Variants in SUFU observed in about 807,000 individuals in gnomAD.
SUFU encodes the protein suppressor of fused homolog.
In SUFU, 7 loss-of-function variants were observed where a neutral mutation model predicts 58.9. That is an observed-to-expected ratio of 0.12 (90% CI 0.07 to 0.22). SUFU has a LOEUF of 0.22. SUFU is among the 10% of genes least tolerant of loss of function. The probability of loss-of-function intolerance (pLI) is 1.00; values close to 1 mark genes in which losing one functional copy is unlikely to be tolerated. For synonymous variants in SUFU, 232 were observed against 254.8 expected, an observed-to-expected ratio of 0.91 and a Z score of 0.85; for missense variants, 451 against 641.3, an observed-to-expected ratio of 0.70 and a Z score of 3.20.
chr10:102,570,059 T>C (rs1340660230), intron 3 of SUFU, among the ~76,000 whole-genome samples: 2 of 152,222 alleles, frequency 1.3e-5, no homozygotes, highest in Non-Finnish European at 2.9e-5. Flanking sequence ...AACTCTTCAT[T>C]GGGATGTAGA....
At chr10:102,547,041 C>T (rs1370382450) in intron 2 of SUFU, among the ~76,000 whole-genome samples, 1 of 152,232 alleles carries the variant, frequency 6.6e-6, no homozygotes, top group Admixed American at 6.5e-5. Flanking sequence ...GGGTTCTTCC[C>T]ATTGTGCAGC....
At chr10:102,598,318 T>TA (rs1030692555) in intron 7 of SUFU, among the ~76,000 whole-genome samples, 52 of 152,276 alleles carry the variant, frequency 3.4e-4, no homozygotes, top group African/African-American at 1.2e-3. Context: ...AACGCCCAGC[T>TA]AATTTTTGTA....
chr10:102,536,078 C>T (rs886221186), intron 2 of SUFU, among the ~76,000 whole-genome samples: 20 of 152,194 alleles, frequency 1.3e-4, no homozygotes, highest in African/African-American at 4.8e-4. Context: ...AAGAGATTCT[C>T]CTGTCTCAGC....
intron 3 of SUFU, among the ~76,000 whole-genome samples, chr10:102,578,202 G>A (rs2063234003): frequency 6.7e-6 from 1 of 150,076 alleles, no homozygotes; most frequent in South Asian, 2.1e-4. Flanking sequence ...CAGCTACTCG[G>A]GATCGCGCCA....
At chr10:102,600,133 C>G (rs1166216782) in intron 8 of SUFU, among the ~76,000 whole-genome samples, 3 of 152,210 alleles carry the variant, frequency 2.0e-5, no homozygotes, top group Non-Finnish European at 4.4e-5. Flanking sequence ...GATCCGCTTC[C>G]TGCCAACCTC....
intron 3 of SUFU, among the ~76,000 whole-genome samples, chr10:102,564,024 G>A (rs2063064737): frequency 6.6e-6 from 1 of 152,174 alleles, no homozygotes; most frequent in Non-Finnish European, 1.5e-5. Flanking sequence ...TATCTTGGGG[G>A]TGTTAGCAGC....
chr10:102,557,412 C>T (rs768530160), intron 3 of SUFU, among the ~76,000 whole-genome samples: 6 of 151,884 alleles, frequency 4.0e-5, no homozygotes, highest in Non-Finnish European at 8.8e-5. Flanking sequence ...ATGGTGAAAC[C>T]CCACAGGGGT....
intron 2 of SUFU, among the ~76,000 whole-genome samples, chr10:102,530,185 G>C (rs1016030556): frequency 7.2e-5 from 11 of 152,212 alleles, no homozygotes; most frequent in African/African-American, 2.6e-4. Context: ...GTGTATTCTC[G>C]TCCACTTTGC....
chr10:102,568,947 T>TATAC (rs1554849298), intron 3 of SUFU, among the ~76,000 whole-genome samples: 3 of 82,560 alleles, frequency 3.6e-5, no homozygotes, highest in Non-Finnish European at 6.6e-5. Context: ...TATATATATA[T>TATAC]ATATATATAT....
intron 6 of SUFU, among the ~76,000 whole-genome samples, chr10:102,594,631 C>T (rs2063442122): frequency 6.6e-6 from 1 of 152,234 alleles, no homozygotes; most frequent in Admixed American, 6.5e-5. Context: ...CCCTGTGGCC[C>T]ACCTGGACAT....
chr10:102,505,423 A>G (rs1025381909), intron 1 of SUFU, among the ~76,000 whole-genome samples: 2 of 152,202 alleles, frequency 1.3e-5, no homozygotes, highest in Admixed American at 6.5e-5. Context: ...GCATTGTGTA[A>G]GATGATCTTC....
intron 8 of SUFU, among the ~76,000 whole-genome samples, chr10:102,614,166 G>A (rs1279698308): frequency 1.3e-5 from 2 of 152,232 alleles, no homozygotes; most frequent in Non-Finnish European, 2.9e-5. Flanking sequence ...GGTGCTCAGA[G>A]CTAGGGCTCA....
At chr10:102,506,057 A>G (rs1167744917) in intron 1 of SUFU, among the ~76,000 whole-genome samples, 1 of 150,844 alleles carries the variant, frequency 6.6e-6, no homozygotes, top group Non-Finnish European at 1.5e-5. Flanking sequence ...AAAAAAAAAA[A>G]AAAAAAAAAG....
chr10:102,583,952 A>ACTGGC (rs2063310917), intron 3 of SUFU, among the ~76,000 whole-genome samples: 1 of 152,182 alleles, frequency 6.6e-6, no homozygotes. Context: ...GCTCCAGGGA[A>ACTGGC]CTGGCCCATC....
chr10:102,619,515 C>T lies in SUFU; in HGVS notation c.1296+2087C>T. 1 of 1,117,574 alleles carries T rather than the reference C, an allele frequency of 8.9e-7. No individual in the cohort carries two copies. The highest frequency in any genetic ancestry group is 1.1e-6 in the Non-Finnish European group (1 of 911,116). The allele number at this position is 1,117,574 out of a possible 1,614,324, so 69.2% of individuals were successfully genotyped here. ...AGTGTGGTCCACCACGGGGCCGGCT[C>T]ACAGGAGAGCTCCTGGGAAGGCTGG... On this transcript the variant is annotated intron_variant, in intron 10 of 11. Transcript: ENST00000369902. This position sits in a 1 kb window ranked among gnomAD's most constrained non-coding sequence, Gnocchi z 4.2.
At chr10:102,589,528 C>T (rs2063373929) in intron 3 of SUFU, among the ~76,000 whole-genome samples, 1 of 141,628 alleles carries the variant, frequency 7.1e-6, no homozygotes, top group Non-Finnish European at 1.5e-5. Context: ...TCACTGCAAC[C>T]TCTGCCTCCC....
chr10:102,606,658 G>A (rs1044770639), intron 8 of SUFU, among the ~76,000 whole-genome samples: 1 of 152,194 alleles, frequency 6.6e-6, no homozygotes, highest in Admixed American at 6.5e-5. Context: ...TGGAAACAGG[G>A]TCTTTGATGC....
At chr10:102,545,364 G>A (rs1386852995) in intron 2 of SUFU, among the ~76,000 whole-genome samples, 2 of 149,636 alleles carry the variant, frequency 1.3e-5, no homozygotes, top group African/African-American at 4.9e-5. Context: ...AAACTCCTCG[G>A]CTCAAGTGGT....
At chr10:102,605,310 T>C (rs1204402249) in intron 8 of SUFU, among the ~76,000 whole-genome samples, 1 of 151,702 alleles carries the variant, frequency 6.6e-6, no homozygotes, top group African/African-American at 2.4e-5. Flanking sequence ...AGTCCAGGAG[T>C]TCGAGACCAG....
Sources: allele counts gnomAD v4.1 joint callset (sites outside exome capture counted in the v4.1 genomes callset), GRCh38; gene constraint gnomAD v4.1.1; non-coding constraint Gnocchi (gnomAD v3.1); transcripts MANE v1.5; gene names NCBI Gene and HGNC (gene_info 2026-07-23, HGNC 2026-07-21).